Variants in CR1L observed in about 807,000 individuals in gnomAD.
CR1L encodes the protein complement component receptor 1-like protein.
Under a neutral mutation model 62.3 loss-of-function variants are expected in CR1L, and 59 were observed. The observed-to-expected ratio is 0.95, with a 90% CI of 0.77 to 1.18. CR1L has a LOEUF of 1.18. Ranked by LOEUF, CR1L falls within the 50% of genes most tolerant of loss-of-function variation. The pLI, the probability that CR1L is intolerant of heterozygous loss-of-function variation, is 0.00. For missense variants in CR1L, 700 were observed against 702.8 expected (o/e 1.00, Z 0.04); for synonymous variants, 279 against 248.7 (o/e 1.12, Z -1.15).
chr1:207,662,631 C>A (rs546896490), intron 1 of CR1L, among the ~76,000 whole-genome samples: 5 of 152,130 alleles, frequency 3.3e-5, no homozygotes, highest in Non-Finnish European at 7.4e-5. Flanking sequence ...TCGTCTGAAG[C>A]CTTCTTCTCT....
At chr1:207,678,077 C>G in intron 2 of CR1L, 121 bp from the exon 3 acceptor site, 1 of 853,010 alleles carries the variant, frequency 1.2e-6, no homozygotes. Flanking sequence ...GTAGCAAAAT[C>G]TGTGGAACCA....
chr1:207,718,020 A>G (rs547144146), intron 11 of CR1L, among the ~76,000 whole-genome samples: 1 of 152,300 alleles, frequency 6.6e-6, no homozygotes, highest in South Asian at 2.1e-4. Context: ...CTTTTATTCT[A>G]CCCCTACTAT....
At chr1:207,710,509 T>G (rs557012271) in intron 10 of CR1L, 1 of 1,608,366 alleles carries the variant, frequency 6.2e-7, no homozygotes, top group East Asian at 2.2e-5. Flanking sequence ...GAAAGGTGTT[T>G]GAGCTCGTGG....
At chr1:207,699,395 T>G (rs1664157897) in intron 8 of CR1L, 121 bp downstream of exon 8, 2 of 1,261,408 alleles carry the variant, frequency 1.6e-6, no homozygotes, top group Non-Finnish European at 2.2e-6. Context: ...TTTGAAAATT[T>G]CTTATTTTAG....
intron 1 of CR1L, among the ~76,000 whole-genome samples, chr1:207,664,913 G>A (rs1458951305): frequency 6.6e-6 from 1 of 152,156 alleles, no homozygotes; most frequent in Admixed American, 6.5e-5. Flanking sequence ...CGGAAAAGAG[G>A]AAGATGTAAA....
At chr1:207,706,897 T>C (rs905867008) in intron 9 of CR1L, among the ~76,000 whole-genome samples, 1 of 152,164 alleles carries the variant, frequency 6.6e-6, no homozygotes, top group African/African-American at 2.4e-5. Context: ...AATGTAATCA[T>C]AATTTAGTAA....
chr1:207,655,464 CT>C (rs1029054228), intron 1 of CR1L, among the ~76,000 whole-genome samples: 6 of 151,932 alleles, frequency 3.9e-5, no homozygotes, highest in African/African-American at 1.5e-4. Context: ...AGTATTGATT[CT>C]TTTTGTTTTT....
intron 9 of CR1L, among the ~76,000 whole-genome samples, chr1:207,703,443 G>A (rs564877761): frequency 1.2e-4 from 18 of 152,322 alleles, no homozygotes; most frequent in African/African-American, 4.3e-4. Flanking sequence ...AGGTATGTTT[G>A]CAGCATGGTT....
intron 1 of CR1L, chr1:207,658,527 G>C (rs1340065663): frequency 6.6e-6 from 1 of 152,328 alleles, no homozygotes; most frequent in East Asian, 1.9e-4. Context: ...CCTTTTAGAA[G>C]CTCCAGCTTT....
chr1:207,695,527 C>T (rs745524239), intron 5 of CR1L, among the ~76,000 whole-genome samples: 91 of 152,232 alleles, frequency 6.0e-4, no homozygotes, highest in Admixed American at 1.5e-3. Context: ...CCACCCGACT[C>T]CAGAGACTTG....
intron 2 of CR1L, 56 bp from the exon 3 acceptor site, chr1:207,678,142 T>TAA (rs3215758): frequency 2.7e-5 from 40 of 1,479,894 alleles, no homozygotes; most frequent in East Asian, 2.5e-4. Context: ...CCTTATGTAC[T>TAA]AAAAAAAAAT....
At chr1:207,681,188 C>T (rs1426005377) in intron 3 of CR1L, among the ~76,000 whole-genome samples, 2 of 152,304 alleles carry the variant, frequency 1.3e-5, no homozygotes, top group Non-Finnish European at 1.5e-5. Context: ...ACTAATATCC[C>T]AGGCTTCACT....
intron 1 of CR1L, among the ~76,000 whole-genome samples, chr1:207,653,771 T>G (rs1200645875): frequency 6.6e-6 from 1 of 152,186 alleles, no homozygotes; most frequent in African/African-American, 2.4e-5. Context: ...TTTTAGAGAG[T>G]AAATGTAATT....
At chr1:207,684,060 C>A in intron 4 of CR1L, 103 bp downstream of exon 4, 1 of 1,081,772 alleles carries the variant, frequency 9.2e-7, no homozygotes, top group South Asian at 1.7e-5. Flanking sequence ...ATCTGTACTT[C>A]ACATGGCTGA....
At chr1:207,669,085 C>A (rs995306601) in intron 1 of CR1L, 2 of 241,218 alleles carry the variant, frequency 8.3e-6, no homozygotes, top group African/African-American at 2.4e-5. Context: ...GAGGAAAAGT[C>A]AAGCAGGGTG....
rs528357137 is a variant in CR1L, at chr1:207,665,423, G to A, written c.98-11966G>A. On this transcript the variant is annotated intron_variant, in intron 1 of 11. Transcript: ENST00000508064. ...TAAATTATTTTTTTTTCTAGTTGGA[G>A]CCTTGCTCTGTCACCCAGGCTGGAG... Among the ~76,000 whole-genome samples the A allele has an allele frequency of 4.0e-5, 6 of 149,876 alleles. No individual in the cohort carries two copies. The South Asian group carries it at 1.1e-3, about 26-fold the overall frequency.
chr1:207,654,541 AG>A (rs1663275551), intron 1 of CR1L, among the ~76,000 whole-genome samples: 1 of 152,226 alleles, frequency 6.6e-6, no homozygotes, highest in Admixed American at 6.5e-5. Context: ...AATTTAAATC[AG>A]GGAAGATTTC....
Position 207,677,610 on chromosome 1 carries a change from T to G in CR1L, c.277+42T>G, listed in dbSNP as rs1336380946. ...TGGGAACCCCTCTGTTAGTCAAACA[T>G]CTGTAAGATCTGATTCAATTTGTTC... On this transcript the variant is annotated intron_variant, in intron 2 of 11. Transcript: ENST00000508064. The G allele has an allele frequency of 5.1e-6, 8 of 1,579,240 alleles. No individual in the cohort carries two copies. In the South Asian group the frequency reaches 9.4e-5, roughly 19 times the overall value.
intron 1 of CR1L, among the ~76,000 whole-genome samples, chr1:207,674,069 C>T (rs1372392696): frequency 6.6e-6 from 1 of 152,138 alleles, no homozygotes; most frequent in East Asian, 1.9e-4. Context: ...TTAAAACAAT[C>T]GGAGTGATTT....
Sources: allele counts gnomAD v4.1 joint callset (sites outside exome capture counted in the v4.1 genomes callset), GRCh38; gene constraint gnomAD v4.1.1; transcripts MANE v1.5; gene names NCBI Gene and HGNC (gene_info 2026-07-23, HGNC 2026-07-21).